The following ARID5B variants were observed in gnomAD, a reference collection of about 807,000 sequenced individuals.
ARID5B encodes AT-rich interaction domain 5B, also known as AT-rich interactive domain-containing protein 5B.
Under a neutral mutation model 97.2 loss-of-function variants are expected in ARID5B, and 13 were observed. The observed-to-expected ratio is 0.13, with a 90% CI of 0.09 to 0.21. The LOEUF (loss-of-function observed/expected upper bound fraction) is 0.21, where lower values mean the gene tolerates loss of function less well. Ranked by LOEUF, ARID5B falls within the 10% of genes least tolerant of loss-of-function variation. The pLI is 1.00. For missense variants in ARID5B, 1,210 were observed against 1,465.3 expected (o/e 0.83, Z 2.84); for synonymous variants, 556 against 570.3 (o/e 0.97, Z 0.36).
At chr10:61,923,344 C>T (rs1308156472) in intron 2 of ARID5B, among the ~76,000 whole-genome samples, 1 of 152,130 alleles carries the variant, frequency 6.6e-6, no homozygotes. Context: ...CCGCTTCCAC[C>T]CCTTGCCCCA....
chr10:61,937,577 T>C (rs554084580), intron 2 of ARID5B, among the ~76,000 whole-genome samples: 1 of 152,366 alleles, frequency 6.6e-6, no homozygotes, highest in Middle Eastern at 3.4e-3. Context: ...GGTACATTAA[T>C]AGAATAACAA....
intron 9 of ARID5B, among the ~76,000 whole-genome samples, chr10:62,086,321 G>A (rs1840279683): frequency 6.6e-6 from 1 of 152,166 alleles, no homozygotes; most frequent in African/African-American, 2.4e-5. Flanking sequence ...TGGACATGGT[G>A]GCTCGCGCCT....
At chr10:62,062,297 A>G (rs376322434) in intron 7 of ARID5B, among the ~76,000 whole-genome samples, 5 of 152,208 alleles carry the variant, frequency 3.3e-5, no homozygotes, top group African/African-American at 1.2e-4. Flanking sequence ...CTCAAAAGAG[A>G]TCTTAGAGTC....
chr10:61,940,439 G>A (rs1844379765), intron 3 of ARID5B, 31 bp downstream of exon 3: 1 of 1,574,734 alleles, frequency 6.4e-7, no homozygotes, highest in African/African-American at 1.3e-5. Flanking sequence ...TAAATCTAAT[G>A]TGTGGGCGTA....
intron 3 of ARID5B, among the ~76,000 whole-genome samples, chr10:61,940,965 ATTTTTTTTTTTTTTTTTTT>A (rs869209154): frequency 6.1e-4 from 4 of 6,604 alleles, no homozygotes; most frequent in African/African-American, 1.2e-3. Flanking sequence ...ATATATATAT[ATTTTTTTTTTTTTTTTTTT>A]TTTTTTTTTT....
chr10:61,985,690 T>A (rs762854588), intron 3 of ARID5B, among the ~76,000 whole-genome samples: 36 of 152,124 alleles, frequency 2.4e-4, no homozygotes, highest in Non-Finnish European at 8.8e-5. Flanking sequence ...TTTAATCTTA[T>A]CTTTTTGAGG....
In ARID5B at chr10:62,092,376, G is replaced by A. The variant is rs61743750; in HGVS notation, c.2913G>A (p.Ser971=). 2.0e-3 allele frequency: 3,208 copies of A among 1,614,114 alleles called. 52 individuals carry two copies. The African/African-American group carries it at 0.036, about 18-fold the overall frequency. ...TMSGPKKYPE[S]LSRSGKPHHV... is the part of the protein sequence containing the mutation. ...CAGGCCCTAAAAAATACCCTGAATCGCTTTCAAGATCAGGAAAACCTCACC... is the reference window on the plus strand; with the variant it reads ...CAGGCCCTAAAAAATACCCTGAATCACTTTCAAGATCAGGAAAACCTCACC... The change falls in exon 10 of 10, where the codon TCG becomes TCA. Residue 971 remains serine (S), a synonymous_variant. Transcript: ENST00000279873.
intron 3 of ARID5B, among the ~76,000 whole-genome samples, chr10:61,980,244 C>A (rs1285151699): frequency 6.6e-6 from 1 of 152,194 alleles, no homozygotes; most frequent in East Asian, 1.9e-4. Context: ...AAGCCACAGG[C>A]AGTGCTGTCT....
rs763432422 is a variant in ARID5B at position 61,902,460 on chromosome 10, C to A, written c.276+47C>A. ...CTCTTCTTTCTTTATTATTTTTCCC[C>A]CTAGTAATGCTTATTACAGGGCAAG... On this transcript the variant is annotated intron_variant, in intron 2 of 9. Transcript: ENST00000279873. 3 of 1,599,744 alleles carry A rather than the reference C, an allele frequency of 1.9e-6. No individual in the cohort carries two copies. In the African/African-American group the frequency reaches 4.0e-5, roughly 22 times the overall value.
chr10:61,922,226 G>C (rs1034732579), intron 2 of ARID5B, among the ~76,000 whole-genome samples: 2 of 152,194 alleles, frequency 1.3e-5, no homozygotes, highest in African/African-American at 4.8e-5. Flanking sequence ...CATTGTGTCT[G>C]GTTAGATGAG....
intron 3 of ARID5B, among the ~76,000 whole-genome samples, chr10:61,994,242 GT>G (rs1470780088): frequency 3.3e-5 from 5 of 151,364 alleles, no homozygotes; most frequent in East Asian, 3.9e-4. Flanking sequence ...TGGGGCGAAG[GT>G]TTTTTTTTAA....
chr10:61,949,466 G>A (rs573865290), intron 3 of ARID5B, among the ~76,000 whole-genome samples: 29 of 152,182 alleles, frequency 1.9e-4, no homozygotes, highest in South Asian at 4.1e-4. Flanking sequence ...GTAAAACCCC[G>A]TTTCCTACTA....
chr10:62,049,201 T>C (rs3740357), intron 4 of ARID5B: 53,660 of 1,305,042 alleles, frequency 0.041, 2,013 homozygotes, highest in Admixed American at 0.19. Context: ...TGCGGGGAGG[T>C]GGAGAGAGCA....
chr10:61,979,908 A>G (rs558532797), intron 3 of ARID5B, among the ~76,000 whole-genome samples: 6 of 152,300 alleles, frequency 3.9e-5, no homozygotes, highest in South Asian at 2.1e-4. Context: ...CCTGGCTAAC[A>G]TGGTGAAACC....
intron 2 of ARID5B, among the ~76,000 whole-genome samples, chr10:61,932,924 C>T (rs1844236425): frequency 2.6e-5 from 4 of 152,030 alleles, no homozygotes; most frequent in Admixed American, 2.6e-4. Context: ...AGTGAAACTC[C>T]TCTCTAAAAA....
At chr10:61,904,996 C>T (rs998905923) in intron 2 of ARID5B, among the ~76,000 whole-genome samples, 1 of 152,230 alleles carries the variant, frequency 6.6e-6, no homozygotes, top group Non-Finnish European at 1.5e-5. Flanking sequence ...CTGCTGGCAC[C>T]TAGAGGGGGC....
intron 3 of ARID5B, among the ~76,000 whole-genome samples, chr10:61,998,631 G>A (rs1839034606): frequency 6.6e-6 from 1 of 152,174 alleles, no homozygotes; most frequent in Admixed American, 6.5e-5. Context: ...ATAAGAGGAA[G>A]CTTCGCTAAA....
chr10:61,963,640 G>A (rs1297645798), intron 3 of ARID5B, among the ~76,000 whole-genome samples: 2 of 151,930 alleles, frequency 1.3e-5, no homozygotes, highest in African/African-American at 4.8e-5. Context: ...TCTTTGTAAA[G>A]CCATTGGCCC....
At chr10:62,088,731 C>T (rs376868912) in intron 9 of ARID5B, among the ~76,000 whole-genome samples, 23 of 152,310 alleles carry the variant, frequency 1.5e-4, no homozygotes, top group Non-Finnish European at 2.4e-4. Flanking sequence ...TTCTCATTAA[C>T]TCTATTTGGG....
Sources: allele counts gnomAD v4.1 joint callset (sites outside exome capture counted in the v4.1 genomes callset), GRCh38; gene constraint gnomAD v4.1.1; transcripts MANE v1.5; gene names NCBI Gene and HGNC (gene_info 2026-07-23, HGNC 2026-07-21).